Variants in DPP6 observed in about 807,000 individuals in gnomAD.
DPP6 encodes the protein A-type potassium channel modulatory protein DPP6.
Under a neutral mutation model 122.6 loss-of-function variants are expected in DPP6, and 69 were observed. That is an observed-to-expected ratio of 0.56 (90% CI 0.46 to 0.69). The LOEUF is 0.69. Ranked by LOEUF, DPP6 falls within the 30% of genes least tolerant of loss-of-function variation. DPP6 has a pLI of 0.00. For missense variants in DPP6, 928 were observed against 1,116.9 expected (o/e 0.83, Z 2.41); for synonymous variants, 418 against 433.1 (o/e 0.97, Z 0.43).
intron 6 of DPP6, among the ~76,000 whole-genome samples, chr7:154,648,326 G>T (rs968373658): frequency 6.6e-6 from 1 of 151,846 alleles, no homozygotes; most frequent in African/African-American, 2.4e-5. Context: ...CGAAGCACTG[G>T]GGATGGATAG....
intron 1 of DPP6, among the ~76,000 whole-genome samples, chr7:154,371,395 A>G (rs1328452427): frequency 1.4e-5 from 2 of 141,454 alleles, no homozygotes; most frequent in African/African-American, 6.1e-5. Context: ...AAAAAAAAAA[A>G]AAAAAAAAAG....
chr7:154,271,547 C>G (rs912776281), intron 1 of DPP6, among the ~76,000 whole-genome samples: 2 of 152,182 alleles, frequency 1.3e-5, no homozygotes, highest in Non-Finnish European at 2.9e-5. Context: ...GCACAATTCC[C>G]TCCATCTTAC....
the DPP6 span, among the ~76,000 whole-genome samples, chr7:153,777,263 A>G: frequency 6.6e-6 from 1 of 152,230 alleles, no homozygotes; most frequent in Non-Finnish European, 1.5e-5. Flanking sequence ...AAGCAAGGTC[A>G]CAGAGCAACT....
intron 1 of DPP6, among the ~76,000 whole-genome samples, chr7:154,296,531 C>G (rs1239930191): frequency 1.3e-5 from 2 of 152,218 alleles, no homozygotes; most frequent in Non-Finnish European, 2.9e-5. Context: ...CAGGCCCAGC[C>G]TCCTGTGTCC....
At chr7:154,700,692 A>C (rs1050515574) in intron 7 of DPP6, among the ~76,000 whole-genome samples, 4 of 152,150 alleles carry the variant, frequency 2.6e-5, no homozygotes, top group African/African-American at 7.2e-5. Context: ...ATGTGCATCT[A>C]CTTCCCCAGG....
At chr7:153,953,561 C>T (rs538521054) in intron 1 of DPP6, among the ~76,000 whole-genome samples, 3 of 152,268 alleles carry the variant, frequency 2.0e-5, no homozygotes, top group South Asian at 2.1e-4. Flanking sequence ...TCTGTGCCCT[C>T]GCTGCATGGG....
intron 5 of DPP6, among the ~76,000 whole-genome samples, chr7:154,623,366 G>A (rs145668603): frequency 1.6e-4 from 24 of 152,298 alleles, no homozygotes; most frequent in Admixed American, 1.5e-3. Context: ...TCAGTGGTGC[G>A]CTTTTAATTC....
At chr7:154,489,015 G>A (rs931751121) in intron 3 of DPP6, among the ~76,000 whole-genome samples, 1 of 152,174 alleles carries the variant, frequency 6.6e-6, no homozygotes, top group African/African-American at 2.4e-5. Flanking sequence ...GGAGAACTGT[G>A]GGTACCACAG....
At chr7:154,230,121 G>T (rs1800835916) in intron 1 of DPP6, among the ~76,000 whole-genome samples, 1 of 151,858 alleles carries the variant, frequency 6.6e-6, no homozygotes, top group Non-Finnish European at 1.5e-5. Context: ...TTCCTTCTCT[G>T]CACCCTCCTC....
At chr7:153,890,721 C>T (rs1487604519) in intron 1 of DPP6, among the ~76,000 whole-genome samples, 1 of 110,338 alleles carries the variant, frequency 9.1e-6, no homozygotes, top group Non-Finnish European at 1.7e-5. Context: ...GAGACAGAGT[C>T]TCACTCTGTC....
intron 5 of DPP6, among the ~76,000 whole-genome samples, chr7:154,610,406 G>T (rs1305984404): frequency 6.6e-6 from 1 of 152,148 alleles, no homozygotes; most frequent in Non-Finnish European, 1.5e-5. Context: ...GTGTTACATG[G>T]GGTCAAAAGA....
the DPP6 span, among the ~76,000 whole-genome samples, chr7:153,830,405 A>C: frequency 6.6e-6 from 1 of 152,220 alleles, no homozygotes; most frequent in Non-Finnish European, 1.5e-5. Flanking sequence ...CTCTTTGTGC[A>C]CATTTAAAAA....
chr7:154,891,836 T>C (rs1274433217), intron 25 of DPP6, among the ~76,000 whole-genome samples: 2 of 152,184 alleles, frequency 1.3e-5, no homozygotes, highest in African/African-American at 4.8e-5. Context: ...TCCTCCCGCC[T>C]CGGCCTGCCA....
intron 1 of DPP6, chr7:154,092,915 A>G (rs58019888): frequency 0.37 from 56,517 of 151,922 alleles, 10,654 homozygotes; most frequent in Middle Eastern, 0.49. Flanking sequence ...ATCAGTTGGC[A>G]TTCTACAAAA....
intron 1 of DPP6, among the ~76,000 whole-genome samples, chr7:154,357,804 C>T (rs1030927190): frequency 3.3e-5 from 5 of 151,800 alleles, no homozygotes; most frequent in Admixed American, 6.6e-5. Context: ...TAGCTGGGCC[C>T]GATGGCACAT....
the DPP6 span, among the ~76,000 whole-genome samples, chr7:153,791,424 C>CTTTTTTTTTTTTTTTTTTTTTTTTTTT: frequency 1.1e-5 from 1 of 91,630 alleles, no homozygotes; most frequent in Non-Finnish European, 2.0e-5. Flanking sequence ...TCCTTCCTTT[C>CTTTTTTTTTTTTTTTTTTTTTTTTTTT]TTTTTTTTTT....
intron 10 of DPP6, among the ~76,000 whole-genome samples, chr7:154,783,372 T>C (rs768553136): frequency 2.6e-4 from 40 of 152,184 alleles, no homozygotes; most frequent in Admixed American, 4.6e-4. Context: ...CAGTGCCTTC[T>C]GAGTACAGTC....
intron 5 of DPP6, among the ~76,000 whole-genome samples, chr7:154,630,336 C>T (rs776478375): frequency 2.0e-5 from 3 of 152,150 alleles, no homozygotes; most frequent in South Asian, 4.1e-4. Flanking sequence ...AAACTAGGGC[C>T]GTGCTAGAGG....
chr7:154,722,845 C>A (rs898629388), intron 7 of DPP6, among the ~76,000 whole-genome samples: 1 of 152,182 alleles, frequency 6.6e-6, no homozygotes, highest in Non-Finnish European at 1.5e-5. Flanking sequence ...AATTCAGTCA[C>A]TCACCCAATA....
Sources: allele counts gnomAD v4.1 joint callset (sites outside exome capture counted in the v4.1 genomes callset), GRCh38; gene constraint gnomAD v4.1.1; transcripts MANE v1.5; gene names NCBI Gene and HGNC (gene_info 2026-07-23, HGNC 2026-07-21).